Variants in FBLN1 observed in about 807,000 individuals in gnomAD.
FBLN1 encodes the protein fibulin-1.
Under a neutral mutation model 89.7 loss-of-function variants are expected in FBLN1, and 34 were observed. The ratio of observed to expected loss-of-function variants is 0.38; its 90% CI spans 0.29 to 0.50. FBLN1 has a LOEUF of 0.50. Among genes scored for constraint, FBLN1 ranks in the 20% least tolerant of loss-of-function variants. The pLI is 0.92. For synonymous variants in FBLN1, 393 were observed against 391.3 expected, an observed-to-expected ratio of 1.00 and a Z score of -0.05; for missense variants, 777 against 988.1, an observed-to-expected ratio of 0.79 and a Z score of 2.86.
At position 45,581,861 on chromosome 22, in the gene FBLN1, G is replaced by A. The variant is rs568610347; in HGVS notation, c.1972+4753G>A. Among the ~76,000 whole-genome samples the A allele has an allele frequency of 4.6e-5, 7 of 152,226 alleles. No homozygotes were observed. The highest frequency in any genetic ancestry group is 2.1e-4 in the South Asian group (1 of 4,828). Reference sequence around the variant, plus strand: ...GCCAGGAAGGGAGGGCACAGCCTGCGGTTTGGGGCTGCTGGAGCATCCAGG... The same window carrying A: ...GCCAGGAAGGGAGGGCACAGCCTGCAGTTTGGGGCTGCTGGAGCATCCAGG... On this transcript the variant is annotated intron_variant, in intron 16 of 16. Transcript: ENST00000327858. The surrounding 1 kb of genome is among the most constrained non-coding windows in gnomAD (Gnocchi z 7.6).
At chr22:45,564,396 G>T (rs537845672) in intron 14 of FBLN1, among the ~76,000 whole-genome samples, 1 of 152,324 alleles carries the variant, frequency 6.6e-6, no homozygotes, top group African/African-American at 2.4e-5. Context: ...TCTGAAGGCC[G>T]TGCCTAATTT....
rs559542715 is a variant in FBLN1, at chr22:45,557,279, G to A, written c.1697+6664G>A. On this transcript the variant is annotated intron_variant, in intron 14 of 16. Transcript: ENST00000327858. The surrounding 1 kb of genome is among the most constrained non-coding windows in gnomAD (Gnocchi z 4.9). ...GGATGGTAGTCTTGGCAGAAGCATC[G>A]TGTGCAGGATAGGCAAACCCATATC... 7.9e-5 allele frequency among the ~76,000 whole-genome samples: 12 copies of A among 152,318 alleles called. No individual in the cohort carries two copies. The highest frequency in any genetic ancestry group is 6.2e-4 in the South Asian group (3 of 4,822).
At chr22:45,592,310 A>G (rs2089145090) in intron 16 of FBLN1, among the ~76,000 whole-genome samples, 1 of 152,044 alleles carries the variant, frequency 6.6e-6, no homozygotes, top group Admixed American at 6.6e-5. Flanking sequence ...GAGTGCTGAC[A>G]ATACTTCCAT....
intron 2 of FBLN1, among the ~76,000 whole-genome samples, chr22:45,521,648 G>T (rs1166669384): frequency 6.6e-6 from 1 of 152,212 alleles, no homozygotes; most frequent in Non-Finnish European, 1.5e-5. Context: ...GTGAGACGGA[G>T]CCCACATAAG....
At chr22:45,558,896 T>A (rs1454812689) in intron 14 of FBLN1, among the ~76,000 whole-genome samples, 1 of 152,264 alleles carries the variant, frequency 6.6e-6, no homozygotes, top group Non-Finnish European at 1.5e-5. Flanking sequence ...GTCTCACTAA[T>A]AAGTCCAGTG....
chr22:45,596,622 CATA>C (rs201422975), intron 16 of FBLN1, among the ~76,000 whole-genome samples: 2,474 of 147,816 alleles, frequency 0.017, 36 homozygotes, highest in Middle Eastern at 0.036. Flanking sequence ...CATATATCAA[CATA>C]ATAATATAAT....
At chr22:45,534,071 A>G (rs2088448853) in intron 7 of FBLN1, among the ~76,000 whole-genome samples, 173 bp downstream of exon 7, 1 of 152,194 alleles carries the variant, frequency 6.6e-6, no homozygotes, top group Non-Finnish European at 1.5e-5. Context: ...GGGTGTCTGG[A>G]CAGGTGGGAT....
At chr22:45,518,878 G>C in intron 2 of FBLN1, 91 bp downstream of exon 2, 1 of 1,169,160 alleles carries the variant, frequency 8.6e-7, no homozygotes, top group Non-Finnish European at 1.2e-6. Context: ...AGACCTCTCG[G>C]GAGAGGCTGG....
chr22:45,577,003 C>A lies in FBLN1; in HGVS notation c.1867C>A (p.Pro623Thr). Residue 623 changes from proline (P) to threonine (T), a missense_variant, in exon 16 of 17, where the codon CCA becomes ACA. Transcript: ENST00000327858. This position sits in a 1 kb window ranked among gnomAD's most constrained non-coding sequence, Gnocchi z 6.6. ...EEIIFLRAIT[P>T]PHPASQANII... ...GATCATCTTCCTCCGGGCCATCACG[C>A]CACCGCATCCTGCCAGCCAGGCTAA... The A allele has an allele frequency of 1.2e-6, 2 of 1,614,128 alleles. No homozygotes were observed. The highest frequency in any genetic ancestry group is 1.7e-6 in the Non-Finnish European group (2 of 1,180,042).
At chr22:45,592,191 G>T (rs751328890) in intron 16 of FBLN1, among the ~76,000 whole-genome samples, 19 of 152,198 alleles carry the variant, frequency 1.2e-4, no homozygotes, top group Non-Finnish European at 1.8e-4. Context: ...CCCTAACTGC[G>T]ATGGGGGCTG....
rs1209167625 is a variant in FBLN1 at position 45,532,284 on chromosome 22, G to T, written c.545-779G>T. Among the ~76,000 whole-genome samples, 1 of 152,144 alleles carries T rather than the reference G, an allele frequency of 6.6e-6. No individual in the cohort carries two copies. Among genetic ancestry groups the T allele is most frequent in the South Asian group, 2.1e-4 (1 of 4,828 alleles). ...TTTCTGGGGAGGGGAGAGCTGGTCTGCAAGGAGGAGGTGGGATTAGCTGGG... is the reference window on the plus strand; with the variant it reads ...TTTCTGGGGAGGGGAGAGCTGGTCTTCAAGGAGGAGGTGGGATTAGCTGGG... On this transcript the variant is annotated intron_variant, in intron 5 of 16. Coordinates refer to ENST00000327858, the MANE Select transcript of FBLN1 (RefSeq NM_006486.3). The surrounding 1 kb of genome is among the most constrained non-coding windows in gnomAD (Gnocchi z 4.2).
At chr22:45,564,980 C>G (rs748750596) in intron 14 of FBLN1, 1 of 1,613,850 alleles carries the variant, frequency 6.2e-7, no homozygotes, top group African/African-American at 1.3e-5. Context: ...AGGATACCCA[C>G]CTTGATGCCT....
At position 45,534,054 on chromosome 22, in the gene FBLN1, C is replaced by T. The variant is rs866175480; in HGVS notation, c.784+156C>T. The stretch of plus-strand genomic sequence containing the variant: ...CATCTGCAGGAGGGAGGTGGTTATA[C>T]CCACCAGGGTGTCTGGACAGGTGGG... On this transcript the variant is annotated intron_variant, in intron 7 of 16. Coordinates refer to ENST00000327858, the MANE Select transcript of FBLN1 (RefSeq NM_006486.3). Among the ~76,000 whole-genome samples the T allele has an allele frequency of 1.4e-4, 21 of 152,306 alleles. No individual in the cohort carries two copies. The Middle Eastern group carries it at 0.014, about 99-fold the overall frequency.
In FBLN1 at chr22:45,574,534, C is replaced by G; in HGVS notation, c.1721C>G (p.Thr574Arg). 6.2e-7 allele frequency: 1 copy of G among 1,614,132 alleles called. No individual in the cohort carries two copies. Among genetic ancestry groups the G allele is most frequent in the Non-Finnish European group, 8.5e-7 (1 of 1,180,020 alleles). Reference sequence around the variant, plus strand: ...AGGCTCCAGCAGGAGAAGACAGACACGGTCCGCTGCATCAAGTCCTGCCGC... The same window carrying G: ...AGGCTCCAGCAGGAGAAGACAGACAGGGTCCGCTGCATCAAGTCCTGCCGC... ...AATLQQEKTD[T>R]VRCIKSCRPN... is the part of the protein sequence containing the mutation. Residue 574 changes from threonine (T) to arginine (R), a missense_variant, in exon 15 of 17, where the codon ACG (threonine) becomes AGG (arginine). Transcript: ENST00000327858. The surrounding 1 kb of genome is among the most constrained non-coding windows in gnomAD (Gnocchi z 4.1).
chr22:45,565,162 C>T (rs1407622024), intron 14 of FBLN1: 12 of 1,565,562 alleles, frequency 7.7e-6, no homozygotes, highest in Non-Finnish European at 9.5e-6. Flanking sequence ...TGTTGTAGTA[C>T]ATTCTCCAAG....
At position 45,562,212 on chromosome 22, in the gene FBLN1, G is replaced by A. The variant is rs192166239; in HGVS notation, c.1697+11597G>A. 1.1e-3 allele frequency among the ~76,000 whole-genome samples: 161 copies of A among 152,352 alleles called. 6 individuals are homozygous for A. Among genetic ancestry groups the A allele is most frequent in the Admixed American group, 1.0e-2 (153 of 15,302 alleles). ...CCTGTCTCTGTTTCTATCACAGGAA[G>A]TTGGGATCTGGCCCTGTGGACCCAG... On this transcript the variant is annotated intron_variant, in intron 14 of 16. Coordinates refer to ENST00000327858, the MANE Select transcript of FBLN1 (RefSeq NM_006486.3). This position sits in a 1 kb window ranked among gnomAD's most constrained non-coding sequence, Gnocchi z 7.8.
chr22:45,548,886 C>A, intron 13 of FBLN1, 142 bp downstream of exon 13: 2 of 1,340,266 alleles, frequency 1.5e-6, no homozygotes, highest in Non-Finnish European at 2.1e-6. Context: ...AAAAGGAGGC[C>A]CACCCCATCC....
chr22:45,562,840 C>CGCTCTG lies in FBLN1; in HGVS notation c.1698-11670_1698-11665dup. On this transcript the variant is annotated intron_variant, in intron 14 of 16. Transcript: ENST00000327858. The surrounding 1 kb of genome is among the most constrained non-coding windows in gnomAD (Gnocchi z 7.8). The stretch of plus-strand genomic sequence containing the variant: ...CCCGCCTGCCAGCCCCGCATCCCCG[C>CGCTCTG]GCTCTGCCGTTTCTCCGCTTGCTGG... 2 of 1,467,556 alleles carry CGCTCTG rather than the reference C, an allele frequency of 1.4e-6. No individual in the cohort carries two copies. Among genetic ancestry groups the CGCTCTG allele is most frequent in the Non-Finnish European group, 1.9e-6 (2 of 1,057,008 alleles). The allele number at this position is 1,467,556 out of a possible 1,614,324, so 90.9% of individuals were successfully genotyped here.
intron 14 of FBLN1, among the ~76,000 whole-genome samples, chr22:45,559,839 G>C (rs939254901): frequency 4.6e-5 from 7 of 152,188 alleles, no homozygotes; most frequent in African/African-American, 1.4e-4. Flanking sequence ...ATGGGAGAAA[G>C]ATTCACTGCA....
Sources: gnomAD v4.1 joint callset for allele counts (sites outside exome capture counted in the v4.1 genomes callset) on GRCh38, gnomAD v4.1.1 for gene constraint, Gnocchi (gnomAD v3.1) non-coding constraint, MANE v1.5 for transcripts, NCBI Gene and HGNC (gene_info 2026-07-23, HGNC 2026-07-21) for gene names.